Variants in EYS observed in about 807,000 individuals in gnomAD.
The protein encoded by EYS is protein eyes shut homolog.
In EYS, 250 loss-of-function variants were observed where a neutral mutation model predicts 282.1. That is an observed-to-expected ratio of 0.89 (90% CI 0.80 to 0.98). The LOEUF is 0.98. EYS is among the 50% of genes least tolerant of loss of function. EYS has a pLI of 0.00. For synonymous variants in EYS, 1,355 were observed against 1,282.9 expected, an observed-to-expected ratio of 1.06 and a Z score of -1.20; for missense variants, 4,016 against 3,709.0, an observed-to-expected ratio of 1.08 and a Z score of -2.15.
At chr6:64,633,684 T>C (rs936521512) in intron 22 of EYS, among the ~76,000 whole-genome samples, 1 of 151,196 alleles carries the variant, frequency 6.6e-6, no homozygotes, top group Non-Finnish European at 1.5e-5. Flanking sequence ...CATTGGAAAG[T>C]TGGCTTCCTC....
At chr6:64,249,698 A>C (rs1340979328) in intron 30 of EYS, among the ~76,000 whole-genome samples, 1 of 152,220 alleles carries the variant, frequency 6.6e-6, no homozygotes, top group Non-Finnish European at 1.5e-5. Context: ...AATGTGGACA[A>C]AGATGTAGGT....
At chr6:65,347,016 T>C (rs1055229463) in intron 9 of EYS, among the ~76,000 whole-genome samples, 3 of 151,848 alleles carry the variant, frequency 2.0e-5, no homozygotes, top group African/African-American at 7.2e-5. Context: ...ATTACACCTA[T>C]ATTATTTAGC....
At chr6:65,677,105 G>GAAAAAAAAA (rs58880200) in intron 1 of EYS, among the ~76,000 whole-genome samples, 4 of 107,672 alleles carry the variant, frequency 3.7e-5, no homozygotes, top group African/African-American at 1.0e-4. Flanking sequence ...AGTCATTGGT[G>GAAAAAAAAA]AAAAAAAAAA....
chr6:65,323,974 C>T (rs1221977624), intron 11 of EYS, among the ~76,000 whole-genome samples: 1 of 152,254 alleles, frequency 6.6e-6, no homozygotes, highest in African/African-American at 2.4e-5. Flanking sequence ...CTCACCTCTC[C>T]CTCTTGCTTC....
chr6:65,108,610 T>C (rs772257686), intron 12 of EYS, among the ~76,000 whole-genome samples: 1 of 152,162 alleles, frequency 6.6e-6, no homozygotes, highest in Non-Finnish European at 1.5e-5. Flanking sequence ...GTTTGTAATA[T>C]GGCAATTGTC....
intron 35 of EYS, among the ~76,000 whole-genome samples, chr6:63,896,727 T>A (rs185950107): frequency 1.3e-5 from 2 of 152,340 alleles, no homozygotes; most frequent in Admixed American, 1.3e-4. Flanking sequence ...TCCTCCCTGC[T>A]CTCCTCTGGC....
intron 2 of EYS, among the ~76,000 whole-genome samples, chr6:65,584,736 T>C (rs1209635788): frequency 6.6e-6 from 1 of 151,830 alleles, no homozygotes; most frequent in Non-Finnish European, 1.5e-5. Context: ...TATATAATTA[T>C]AATATGAATA....
intron 8 of EYS, among the ~76,000 whole-genome samples, chr6:65,358,147 T>C (rs1480352287): frequency 6.6e-6 from 1 of 152,038 alleles, no homozygotes; most frequent in Non-Finnish European, 1.5e-5. Context: ...CTTAGTTTGA[T>C]TTTTTAAATT....
At chr6:64,369,098 T>C (rs1323482640) in intron 29 of EYS, among the ~76,000 whole-genome samples, 5 of 152,124 alleles carry the variant, frequency 3.3e-5, no homozygotes, top group Non-Finnish European at 7.4e-5. Context: ...AAGGAAAGGG[T>C]CTAGTTCCAA....
intron 29 of EYS, among the ~76,000 whole-genome samples, chr6:64,312,586 G>C (rs1769762735): frequency 6.6e-6 from 1 of 152,164 alleles, no homozygotes; most frequent in African/African-American, 2.4e-5. Flanking sequence ...TCCTGACTAG[G>C]AGACATCTCC....
At chr6:65,238,969 A>G (rs1369744395) in intron 12 of EYS, among the ~76,000 whole-genome samples, 1 of 152,098 alleles carries the variant, frequency 6.6e-6, no homozygotes, top group Non-Finnish European at 1.5e-5. Flanking sequence ...TGATAGGATG[A>G]CAAACAGCTG....
chr6:63,897,622 G>A (rs1004399725), intron 35 of EYS, among the ~76,000 whole-genome samples: 6 of 152,162 alleles, frequency 3.9e-5, no homozygotes, highest in Non-Finnish European at 7.3e-5. Context: ...TTGGATTCCT[G>A]GTGTCAGAAC....
At chr6:65,256,298 T>C (rs995366133) in intron 12 of EYS, among the ~76,000 whole-genome samples, 5 of 117,084 alleles carry the variant, frequency 4.3e-5, no homozygotes, top group African/African-American at 2.0e-4. Flanking sequence ...ATTAAAGTTT[T>C]AGGGTACATG....
At chr6:65,587,602 TATAA>T (rs1765097440) in intron 2 of EYS, among the ~76,000 whole-genome samples, 1 of 152,122 alleles carries the variant, frequency 6.6e-6, no homozygotes, top group Non-Finnish European at 1.5e-5. Context: ...TGCCTTCCTT[TATAA>T]ATACTCAGTC....
chr6:64,142,497 G>T (rs1226924512), intron 31 of EYS, among the ~76,000 whole-genome samples: 1 of 152,066 alleles, frequency 6.6e-6, no homozygotes, highest in Non-Finnish European at 1.5e-5. Context: ...AAAGTATGAG[G>T]TATAGCAGTC....
intron 14 of EYS, among the ~76,000 whole-genome samples, chr6:64,952,015 A>T (rs1317552005): frequency 6.6e-6 from 1 of 151,936 alleles, no homozygotes; most frequent in Non-Finnish European, 1.5e-5. Context: ...AACTTTATCT[A>T]GATTAAAACT....
chr6:63,762,353 G>T, intron 41 of EYS, 108 bp downstream of exon 41: 1 of 1,044,566 alleles, frequency 9.6e-7, no homozygotes, highest in Non-Finnish European at 1.4e-6. Flanking sequence ...CAGTGGATTT[G>T]AATTTTATTA....
chr6:65,379,811 T>C (rs759193074), intron 8 of EYS, among the ~76,000 whole-genome samples: 3 of 151,782 alleles, frequency 2.0e-5, no homozygotes, highest in Non-Finnish European at 2.9e-5. Context: ...CAAGCATTCC[T>C]ATACACCATT....
intron 36 of EYS, among the ~76,000 whole-genome samples, chr6:63,831,893 G>C (rs987249431): frequency 4.6e-5 from 7 of 152,082 alleles, no homozygotes; most frequent in African/African-American, 1.4e-4. Context: ...AATCAAACTA[G>C]AACTCAGGAT....
Sources: gnomAD v4.1 joint callset for allele counts (sites outside exome capture counted in the v4.1 genomes callset) on GRCh38, gnomAD v4.1.1 for gene constraint, MANE v1.5 for transcripts, NCBI Gene and HGNC (gene_info 2026-07-23, HGNC 2026-07-21) for gene names.